JCAD: variants seen among roughly 807,000 people sequenced by gnomAD.
The protein encoded by JCAD is junctional cadherin 5 associated.
In JCAD, 40 loss-of-function variants were observed where a neutral mutation model predicts 98.0. The observed-to-expected ratio is 0.41, with a 90% confidence interval of 0.32 to 0.53. The LOEUF (loss-of-function observed/expected upper bound fraction) is 0.53. JCAD is among the 20% of genes least tolerant of loss of function. JCAD has a pLI of 0.31. For synonymous variants in JCAD, 691 were observed against 682.3 expected, an observed-to-expected ratio of 1.01 and a Z score of -0.20; for missense variants, 1,705 against 1,738.1, an observed-to-expected ratio of 0.98 and a Z score of 0.34.
In JCAD at chr10:30,112,401, C is replaced by A. The variant is rs555092464; in HGVS notation, n.128+2966G>T. 4.6e-5 allele frequency among the ~76,000 whole-genome samples: 7 copies of A among 152,240 alleles called. No individual in the cohort carries two copies. In the South Asian group the frequency reaches 1.4e-3, roughly 32 times the overall value. On this transcript the variant is annotated intron_variant and non_coding_transcript_variant, in intron 1 of 2. Coordinates refer to the JCAD transcript ENST00000465712. ...GACTGAGACAGGAAGATCGATTGAG[C>A]CTAGGAGTTCAAAGCTGCCTGCAGG...
At position 30,026,812 on chromosome 10, in the gene JCAD, A is replaced by T; in HGVS notation, c.3336T>A (p.Ala1112=). The T allele has an allele frequency of 1.2e-6, 2 of 1,614,090 alleles. No homozygotes were observed. The highest frequency in any genetic ancestry group is 2.7e-5 in the African/African-American group (2 of 75,068). The change falls in exon 3 of 4, where the codon GCT becomes GCA. Residue 1112 remains alanine, a synonymous_variant. Transcript: ENST00000375377. ...GGGTGCAGGCACTTGCATCGGGCTC[A>T]GCAGGCTGGTTCTGTCCCGCTCTCC... ...GIRRAGQNQP[A]EPDASACTPE... is the part of the protein sequence containing the mutation.
chr10:30,040,607 A>C (rs1294840945), intron 2 of JCAD, among the ~76,000 whole-genome samples: 2 of 152,196 alleles, frequency 1.3e-5, no homozygotes, highest in African/African-American at 4.8e-5. Flanking sequence ...AGAAGCCAAG[A>C]TGAGGGCTGT....
At position 30,029,836 on chromosome 10, in the gene JCAD, G is replaced by A; in HGVS notation, c.312C>T (p.Ser104=). ...GFCNQPPSAW[S]SHPPTGNDQA... Reference sequence around the variant, plus strand: ...GGTCGTTACCAGTCGGGGGATGAGAGGACCATGCTGAGGGGGGTTGATTAC... The same window carrying A: ...GGTCGTTACCAGTCGGGGGATGAGAAGACCATGCTGAGGGGGGTTGATTAC... Residue 104 remains serine, a synonymous_variant, in exon 3 of 4, where the codon TCC becomes TCT. Coordinates refer to ENST00000375377, the MANE Select transcript of JCAD (RefSeq NM_020848.4). The A allele has an allele frequency of 3.1e-6, 5 of 1,614,158 alleles. No homozygotes were observed. The highest frequency in any genetic ancestry group is 4.2e-6 in the Non-Finnish European group (5 of 1,180,020).
rs531132868 is a variant in JCAD, at chr10:30,077,742, A to C, written n.129-7921T>G. ...TTTCAAGGTTCATTCATGTTGCAAC[A>C]CACAGAATTTCACTCCTTCGTAAGG... On this transcript the variant is annotated intron_variant and non_coding_transcript_variant, in intron 1 of 2. Coordinates refer to the JCAD transcript ENST00000465712. Among the ~76,000 whole-genome samples, 20 of 152,356 alleles carry C rather than the reference A, an allele frequency of 1.3e-4. 3 individuals are homozygous for C. In the South Asian group the frequency reaches 4.1e-3, roughly 32 times the overall value.
At position 30,047,647 on chromosome 10, in the gene JCAD, G is replaced by A. The variant is rs886984674; in HGVS notation, c.166C>T (p.His56Tyr). The stretch of plus-strand genomic sequence containing the variant: ...CCTTTCCCCGCGGACGTCTTACGAT[G>A]TGCGAGGGCCGCAGGGCCATCCTCA... ...GHEDGPAALA[H>Y]RKTSAGKGHV... The change falls in exon 2 of 4, where the codon CAT becomes TAT. Residue 56 changes from histidine (H) to tyrosine (Y), a missense_variant. Coordinates refer to ENST00000375377, the MANE Select transcript of JCAD (RefSeq NM_020848.4). 4.3e-6 allele frequency: 7 copies of A among 1,614,210 alleles called. No homozygotes were observed. Among genetic ancestry groups the A allele is most frequent in the Non-Finnish European group, 5.9e-6 (7 of 1,180,044 alleles).
chr10:30,094,607 G>A (rs1232359832), intron 1 of JCAD, among the ~76,000 whole-genome samples: 2 of 152,156 alleles, frequency 1.3e-5, no homozygotes, highest in African/African-American at 2.4e-5. Flanking sequence ...GAAAGCAGAC[G>A]AGTGCTACTT....
At chr10:30,085,561 G>A (rs1838154313) in intron 1 of JCAD, among the ~76,000 whole-genome samples, 3 of 152,164 alleles carry the variant, frequency 2.0e-5, no homozygotes, top group African/African-American at 7.2e-5. Flanking sequence ...CTTACGTGAT[G>A]GGATGAAGGA....
At chr10:30,042,975 C>T (rs575328071) in intron 2 of JCAD, among the ~76,000 whole-genome samples, 2 of 152,328 alleles carry the variant, frequency 1.3e-5, no homozygotes, top group South Asian at 2.1e-4. Context: ...CGAATGATGG[C>T]CCAACACGTT....
intron 1 of JCAD, among the ~76,000 whole-genome samples, chr10:30,049,408 C>T (rs1009319824): frequency 3.9e-5 from 6 of 152,184 alleles, no homozygotes; most frequent in African/African-American, 1.4e-4. Flanking sequence ...AGCTCTTACT[C>T]GGGTCTGTCG....
At chr10:30,067,723 C>T (rs773315218) in intron 2 of JCAD, among the ~76,000 whole-genome samples, 7 of 152,126 alleles carry the variant, frequency 4.6e-5, no homozygotes, top group Admixed American at 2.0e-4. Context: ...CACTTACTAG[C>T]GGGGTTGTAT....
intron 1 of JCAD, among the ~76,000 whole-genome samples, chr10:30,105,291 C>A (rs1564474075): frequency 1.3e-5 from 2 of 151,980 alleles, no homozygotes; most frequent in South Asian, 4.2e-4. Context: ...CTGTCACCAG[C>A]CTTGCAACTG....
intron 1 of JCAD, among the ~76,000 whole-genome samples, chr10:30,050,013 A>G (rs1443354703): frequency 6.6e-6 from 1 of 152,110 alleles, no homozygotes; most frequent in African/African-American, 2.4e-5. Context: ...GAGTAGAATT[A>G]TCCCAAGGGT....
rs370010682 is a variant in JCAD at position 30,026,889 on chromosome 10, C to T, written c.3259G>A (p.Ala1087Thr). Residue 1087 changes from alanine to threonine, a missense_variant, in exon 3 of 4, where the codon GCA (alanine) becomes ACA (threonine). Ala to Thr is a moderately conservative substitution (Grantham distance 58). This residue lies in a region of JCAD where 1,278 missense variants were observed against 1,243.1 expected (regional missense o/e 1.03). Transcript: ENST00000375377. The part of the protein sequence containing the change: ...PPGESLQARA[A>T]RILGIEVAVE... ...GCCACCTCAATGCCCAGGATCCTTG[C>T]AGCCCTGGCTTGCAAGGACTCACCT... 9.3e-6 allele frequency: 15 copies of T among 1,613,948 alleles called. No individual in the cohort carries two copies. Among genetic ancestry groups the T allele is most frequent in the Non-Finnish European group, 1.3e-5 (15 of 1,179,990 alleles).
At chr10:30,022,489 T>A (rs2132605591) in intron 3 of JCAD, among the ~76,000 whole-genome samples, 1 of 152,296 alleles carries the variant, frequency 6.6e-6, no homozygotes, top group East Asian at 1.9e-4. Context: ...ACAACAAGGC[T>A]TTACTCTAAC....
chr10:30,040,298 A>G (rs74132238), intron 2 of JCAD, among the ~76,000 whole-genome samples: 1,785 of 152,354 alleles, frequency 0.012, 25 homozygotes, highest in Middle Eastern at 0.058. Context: ...CCAGTATTTC[A>G]TTTATTAAAA....
intron 2 of JCAD, among the ~76,000 whole-genome samples, chr10:30,034,455 G>A (rs1036344202): frequency 1.3e-5 from 2 of 152,152 alleles, no homozygotes; most frequent in Non-Finnish European, 1.5e-5. Flanking sequence ...CACCGGGCAC[G>A]GTAGGAGGTC....
chr10:30,047,763 C>G lies in JCAD; in HGVS notation c.50G>C (p.Arg17Thr). Residue 17 changes from arginine (R) to threonine (T), a missense_variant, in exon 2 of 4, where the codon AGA becomes ACA. Around this residue, in one of 3 missense-constraint regions of JCAD, gnomAD observed 152 missense variants for 148.0 expected, o/e 1.03. Coordinates refer to ENST00000375377, the MANE Select transcript of JCAD (RefSeq NM_020848.4). ...LLISHGYKLS[R>T]DPPASREDNP... ...ATCCTCGCGTGATGCTGGGGGGTCT[C>G]TTGACAGCTTGTATCCATGAGAGAT... The G allele has an allele frequency of 6.2e-7, 1 of 1,614,134 alleles. No homozygotes were observed. The highest frequency in any genetic ancestry group is 8.5e-7 in the Non-Finnish European group (1 of 1,180,012).
In JCAD at chr10:30,015,479, C is replaced by T. The variant is rs1836514521; in HGVS notation, c.*2404G>A. The T allele has an allele frequency of 6.6e-6, 1 of 152,192 alleles. No individual in the cohort carries two copies. Among genetic ancestry groups the T allele is most frequent in the African/African-American group, 2.4e-5 (1 of 41,444 alleles). 9.4% of individuals were successfully genotyped at this position (152,192 alleles called of 1,614,324 possible). On this transcript the variant is annotated 3_prime_UTR_variant, in exon 4 of 4. Coordinates refer to ENST00000375377, the MANE Select transcript of JCAD (RefSeq NM_020848.4). Reference sequence around the variant, plus strand: ...TTACCTTCCCCCCAAAAAAGATTTACATGTAGGCTTAAATTTAGAACAGTT... The same window carrying T: ...TTACCTTCCCCCCAAAAAAGATTTATATGTAGGCTTAAATTTAGAACAGTT...
At position 30,029,854 on chromosome 10, in the gene JCAD, T is replaced by C. The variant is rs1589683249; in HGVS notation, c.294A>G (p.Gln98=). ...GATGAGAGGACCATGCTGAGGGGGG[T>C]TGATTACAAAACCTACAAAACAAAG... is the stretch of plus-strand genomic sequence containing the variant. ...SRTSEAGFCN[Q]PPSAWSSHPP... The change falls in exon 3 of 4, where the codon CAA becomes CAG. Residue 98 remains glutamine (Q), a synonymous_variant. Coordinates refer to ENST00000375377, the MANE Select transcript of JCAD (RefSeq NM_020848.4). 3.1e-6 allele frequency: 5 copies of C among 1,613,162 alleles called. No homozygotes were observed. The highest frequency in any genetic ancestry group is 3.4e-6 in the Non-Finnish European group (4 of 1,179,718).
Sources: gnomAD v4.1 joint callset for allele counts (sites outside exome capture counted in the v4.1 genomes callset) on GRCh38, gnomAD v4.1.1 for gene constraint, gnomAD v4.1.1 regional missense constraint, MANE v1.5 for transcripts, NCBI Gene and HGNC (gene_info 2026-07-23, HGNC 2026-07-21) for gene names.